The following MCF2L2 variants were observed in gnomAD, a reference collection of about 807,000 sequenced individuals.
MCF2L2 encodes the protein MCF.2 cell line derived transforming sequence-like 2.
Under a neutral mutation model 150.2 loss-of-function variants are expected in MCF2L2, and 102 were observed. That is an observed-to-expected ratio of 0.68 (90% CI 0.58 to 0.80). The LOEUF is 0.80. MCF2L2 is among the 30% of genes least tolerant of loss of function. The pLI is 0.00. For synonymous variants in MCF2L2, 465 were observed against 491.3 expected (o/e 0.95, Z 0.71); for missense variants, 1,256 against 1,372.8 (o/e 0.91, Z 1.34).
At chr3:183,318,820 T>C (rs1341044622) in intron 6 of MCF2L2, among the ~76,000 whole-genome samples, 1 of 152,212 alleles carries the variant, frequency 6.6e-6, no homozygotes, top group African/African-American at 2.4e-5. Context: ...AAATTCCACA[T>C]ACCTTAATTT....
intron 15 of MCF2L2, among the ~76,000 whole-genome samples, chr3:183,235,766 C>A (rs1723794668): frequency 1.8e-5 from 1 of 55,620 alleles, no homozygotes; most frequent in Non-Finnish European, 2.9e-5. Context: ...GACATGAAGT[C>A]CTTGCCCACG....
intron 14 of MCF2L2, among the ~76,000 whole-genome samples, chr3:183,281,893 C>CT (rs397876715): frequency 0.028 from 3,410 of 121,438 alleles, 142 homozygotes; most frequent in African/African-American, 0.091. Flanking sequence ...TTCACAGGGT[C>CT]TTTTTTTTTT....
rs1424800520 is a variant in MCF2L2, at chr3:183,267,604, T to A, written c.1862+9268A>T. On this transcript the variant is annotated intron_variant, in intron 15 of 29. Transcript: ENST00000328913. This position sits in a 1 kb window ranked among gnomAD's most constrained non-coding sequence, Gnocchi z 5.5. ...CTGGGGCTTGCTATGTGGCTCAGCCTACACGGCTCTCTCCCCGTCAGTCCT... is the reference window on the plus strand; with the variant it reads ...CTGGGGCTTGCTATGTGGCTCAGCCAACACGGCTCTCTCCCCGTCAGTCCT... Among the ~76,000 whole-genome samples the A allele has an allele frequency of 1.3e-5, 2 of 152,224 alleles. No homozygotes were observed. The highest frequency in any genetic ancestry group is 2.9e-5 in the Non-Finnish European group (2 of 68,036).
At chr3:183,204,852 C>A (rs1159827150) in intron 25 of MCF2L2, among the ~76,000 whole-genome samples, 1 of 151,952 alleles carries the variant, frequency 6.6e-6, no homozygotes, top group Non-Finnish European at 1.5e-5. Flanking sequence ...ATAGATACTA[C>A]AACATAAATG....
At chr3:183,420,968 T>C (rs1200483992) in intron 1 of MCF2L2, among the ~76,000 whole-genome samples, 5 of 152,246 alleles carry the variant, frequency 3.3e-5, no homozygotes, top group South Asian at 2.1e-4. Flanking sequence ...TTTTGCTGAA[T>C]ACAAGATTCT....
Position 183,341,256 on chromosome 3 carries a change from TC to T in MCF2L2, c.366+283del, listed in dbSNP as rs1239231703. 4.6e-5 allele frequency among the ~76,000 whole-genome samples: 7 copies of T among 152,318 alleles called. No homozygotes were observed. The East Asian group carries it at 1.4e-3, about 29-fold the overall frequency. On this transcript the variant is annotated intron_variant, in intron 4 of 29. Transcript: ENST00000328913. ...CTTTAACTCAGTGGTTGCAGGTTAC[TC>T]CCCGGGCATTAACTTTCCAGCACTC...
intron 15 of MCF2L2, among the ~76,000 whole-genome samples, chr3:183,259,068 C>T (rs927982852): frequency 2.0e-5 from 3 of 152,070 alleles, no homozygotes; most frequent in African/African-American, 7.3e-5. Flanking sequence ...TTGGTTGAAT[C>T]TGAGGATGCG....
intron 13 of MCF2L2, among the ~76,000 whole-genome samples, chr3:183,292,571 ACACACACACACACACACATG>A (rs1413709885): frequency 2.1e-4 from 32 of 151,912 alleles, no homozygotes; most frequent in Admixed American, 1.8e-3. Flanking sequence ...ACACACACAC[ACACACACACACACACACATG>A]CACACACACA....
chr3:183,415,401 G>A (rs924329207), intron 1 of MCF2L2, among the ~76,000 whole-genome samples: 3 of 152,026 alleles, frequency 2.0e-5, no homozygotes, highest in African/African-American at 4.8e-5. Flanking sequence ...TGGCCAGGCT[G>A]GTCTCAAACT....
At chr3:183,329,249 T>A (rs888455155) in intron 5 of MCF2L2, among the ~76,000 whole-genome samples, 1 of 152,176 alleles carries the variant, frequency 6.6e-6, no homozygotes, top group African/African-American at 2.4e-5. Context: ...CAGGCTGGAG[T>A]GCAGTGGCAT....
Position 183,346,792 on chromosome 3 carries a change from G to T in MCF2L2, c.276-5162C>A, listed in dbSNP as rs552810794. Among the ~76,000 whole-genome samples the T allele has an allele frequency of 4.6e-5, 7 of 152,276 alleles. No homozygotes were observed. In the South Asian group the frequency reaches 1.4e-3, roughly 32 times the overall value. On this transcript the variant is annotated intron_variant, in intron 3 of 29. Transcript: ENST00000328913. The stretch of plus-strand genomic sequence containing the variant: ...ATAGACAGAGAGCCAAATCATGAGT[G>T]AATTCCCATTCACAACTGCTACAAA...
At chr3:183,300,859 A>G (rs1221701605) in intron 10 of MCF2L2, among the ~76,000 whole-genome samples, 1 of 151,874 alleles carries the variant, frequency 6.6e-6, no homozygotes, top group Non-Finnish European at 1.5e-5. Flanking sequence ...TCTACTAAAT[A>G]CAAAAATTAG....
intron 11 of MCF2L2, 109 bp from the exon 12 acceptor site, chr3:183,297,276 A>G: frequency 1.0e-6 from 1 of 957,834 alleles, no homozygotes. Context: ...TTCCCAGACA[A>G]TGGGAAATTG....
intron 1 of MCF2L2, among the ~76,000 whole-genome samples, chr3:183,425,921 C>G (rs1716140454): frequency 6.6e-6 from 1 of 151,686 alleles, no homozygotes; most frequent in African/African-American, 2.4e-5. Context: ...CACCATTGCA[C>G]TCCAGCCTGG....
chr3:183,228,518 A>G, intron 17 of MCF2L2, 152 bp from the exon 18 acceptor site: 2 of 540,492 alleles, frequency 3.7e-6, no homozygotes, highest in East Asian at 5.8e-5. Context: ...TGATTCAGAA[A>G]AAAAAGCTGT....
At chr3:183,419,915 T>C (rs1251638866) in intron 1 of MCF2L2, among the ~76,000 whole-genome samples, 1 of 152,200 alleles carries the variant, frequency 6.6e-6, no homozygotes, top group East Asian at 1.9e-4. Flanking sequence ...AGAAATTTCT[T>C]CTGCCAGATA....
At chr3:183,299,184 G>A (rs987523742) in intron 11 of MCF2L2, 1 of 152,522 alleles carries the variant, frequency 6.6e-6, no homozygotes, top group Admixed American at 6.5e-5. Context: ...ATCCTGTGAA[G>A]CCTTGGTGTG....
intron 27 of MCF2L2, among the ~76,000 whole-genome samples, chr3:183,184,368 C>T (rs907933257): frequency 6.6e-5 from 10 of 152,164 alleles, no homozygotes; most frequent in Admixed American, 2.6e-4. Flanking sequence ...ATGAATGGAA[C>T]GACTTTTGTC....
intron 1 of MCF2L2, among the ~76,000 whole-genome samples, chr3:183,425,912 A>G (rs1716139622): frequency 2.6e-5 from 4 of 151,798 alleles, no homozygotes; most frequent in Non-Finnish European, 5.9e-5. Flanking sequence ...TCGAGATCAC[A>G]CCATTGCACT....
Sources: allele counts gnomAD v4.1 joint callset (sites outside exome capture counted in the v4.1 genomes callset), GRCh38; gene constraint gnomAD v4.1.1; non-coding constraint Gnocchi (gnomAD v3.1); transcripts MANE v1.5; gene names NCBI Gene and HGNC (gene_info 2026-07-23, HGNC 2026-07-21).